The following TMEM260 variants were observed in gnomAD, a reference collection of about 807,000 sequenced individuals.
The protein encoded by TMEM260 is protein O-mannosyl-transferase TMEM260.
In TMEM260, 82 loss-of-function variants were observed where a neutral mutation model predicts 88.9. The observed-to-expected ratio is 0.92, with a 90% confidence interval of 0.77 to 1.11. TMEM260 has a LOEUF of 1.11. Among genes scored for constraint, TMEM260 ranks in the 50% least tolerant of loss-of-function variants. TMEM260 has a pLI of 0.00. For missense variants in TMEM260, 902 were observed against 853.4 expected, an observed-to-expected ratio of 1.06 and a Z score of -0.71; for synonymous variants, 314 against 309.3, an observed-to-expected ratio of 1.02 and a Z score of -0.16.
At position 56,636,497 on chromosome 14, in the gene TMEM260, C is replaced by A. The variant is rs758688085; in HGVS notation, c.1779-11C>A. ...TATGATTTTAATGAAGGTTCCTATC[C>A]CCACCCCCAGGATGAAAACACCGTT... On this transcript the variant is annotated splice_polypyrimidine_tract_variant and intron_variant, in intron 14 of 15. Transcript: ENST00000261556. The A allele has an allele frequency of 2.5e-6, 4 of 1,612,774 alleles. No individual in the cohort carries two copies. Among genetic ancestry groups the A allele is most frequent in the African/African-American group, 2.7e-5 (2 of 74,760 alleles).
chr14:56,647,384 T>C lies in TMEM260; in HGVS notation c.2011T>C (p.Phe671Leu), dbSNP rs1464680113. 1 of 1,614,166 alleles carries C rather than the reference T, an allele frequency of 6.2e-7. No individual in the cohort carries two copies. The highest frequency in any genetic ancestry group is 1.7e-5 in the Admixed American group (1 of 60,022). The change falls in exon 16 of 16, where the codon TTC becomes CTC. Residue 671 changes from phenylalanine to leucine, a missense_variant. By Grantham distance (22) the Phe-to-Leu change is conservative. Coordinates refer to ENST00000261556, the MANE Select transcript of TMEM260 (RefSeq NM_017799.4). ...EVLLSETIRH[F>L]RLYSQKAPND... ...GCTGTTATCGGAAACCATCAGACAT[T>C]TCCGTCTGTACTCTCAGAAAGCACC...
downstream of TMEM260, among the ~76,000 whole-genome samples, chr14:56,653,105 C>T (rs181826690): frequency 4.0e-4 from 60 of 151,842 alleles, no homozygotes; most frequent in Admixed American, 6.6e-4. Flanking sequence ...ACCAGCCTGG[C>T]CAACGTGGCG....
In TMEM260 at chr14:56,647,494, C is replaced by T; in HGVS notation, c.2121C>T (p.Val707=). The T allele has an allele frequency of 1.3e-6, 2 of 1,585,158 alleles. No individual in the cohort carries two copies. Among genetic ancestry groups the T allele is most frequent in the Non-Finnish European group, 1.7e-6 (2 of 1,169,228 alleles). ...AAAGTCTGAGAAATAGGAAAAATGT[C>T]TGAGACAGCAAAATATGAAAAACCT... ...ELQSLRNRKN[V] The change falls in exon 16 of 16, where the codon GTC becomes GTT. Residue 707 remains valine (V), a synonymous_variant. Transcript: ENST00000261556.
intron 3 of TMEM260, among the ~76,000 whole-genome samples, chr14:56,595,141 CAG>C (rs559851715): frequency 2.0e-5 from 3 of 152,148 alleles, no homozygotes; most frequent in Admixed American, 6.5e-5. Context: ...TCATAATAAA[CAG>C]ATGATAAAAG....
chr14:56,634,197 G>A (rs1359494120), intron 13 of TMEM260, among the ~76,000 whole-genome samples: 1 of 152,170 alleles, frequency 6.6e-6, no homozygotes, highest in Non-Finnish European at 1.5e-5. Context: ...TTCCAAGCCA[G>A]GAGTCCCCTC....
intron 4 of TMEM260, 118 bp downstream of exon 4, chr14:56,604,110 A>G (rs1886746711): frequency 1.0e-6 from 1 of 957,854 alleles, no homozygotes; most frequent in East Asian, 3.0e-5. Context: ...GGGATAATCT[A>G]GCATGCTGAG....
intron 15 of TMEM260, 90 bp downstream of exon 15, chr14:56,636,688 G>T: frequency 8.9e-7 from 1 of 1,118,206 alleles, no homozygotes; most frequent in South Asian, 1.4e-5. Context: ...TATCACATTA[G>T]AATTTTTATT....
At position 56,648,342 on chromosome 14, in the gene TMEM260, C is replaced by T. The variant is rs1211928183; in HGVS notation, c.*845C>T. 2 of 152,368 alleles carry T rather than the reference C, an allele frequency of 1.3e-5. No homozygotes were observed. The highest frequency in any genetic ancestry group is 2.9e-5 in the Non-Finnish European group (2 of 67,988). 9.4% of individuals were successfully genotyped at this position (152,368 alleles called of 1,614,324 possible). ...CTTTTATACATATTACTAAAGAGAA[C>T]ATAGTAAGAAATGCAAATAATAGTT... On this transcript the variant is annotated 3_prime_UTR_variant, in exon 16 of 16. Transcript: ENST00000261556.
chr14:56,592,880 A>G (rs1885953108), intron 3 of TMEM260, among the ~76,000 whole-genome samples: 1 of 152,224 alleles, frequency 6.6e-6, no homozygotes. Context: ...GGTTCTTTGC[A>G]TGCAAGTAGC....
At chr14:56,621,395 A>T in intron 10 of TMEM260, 136 bp from the exon 11 acceptor site, 1 of 602,744 alleles carries the variant, frequency 1.7e-6, no homozygotes, top group Non-Finnish European at 2.7e-6. Context: ...TCAAATATAC[A>T]TATTATTTTA....
At chr14:56,584,201 A>G (rs934919743) in intron 1 of TMEM260, among the ~76,000 whole-genome samples, 1 of 152,138 alleles carries the variant, frequency 6.6e-6, no homozygotes, top group African/African-American at 2.4e-5. Flanking sequence ...CTATGAAAGG[A>G]TAGGAAGTGG....
chr14:56,599,775 G>A (rs993249812), intron 3 of TMEM260, among the ~76,000 whole-genome samples: 1 of 152,122 alleles, frequency 6.6e-6, no homozygotes, highest in Non-Finnish European at 1.5e-5. Flanking sequence ...TTTGGAAACA[G>A]AATCAATTAA....
chr14:56,604,950 G>A lies in TMEM260; in HGVS notation c.523-620G>A, dbSNP rs373399583. Among the ~76,000 whole-genome samples the A allele has an allele frequency of 1.1e-4, 17 of 152,340 alleles. No individual in the cohort carries two copies. In the South Asian group the frequency reaches 3.5e-3, roughly 32 times the overall value. On this transcript the variant is annotated intron_variant, in intron 4 of 15. Transcript: ENST00000261556. ...AGACTTCACCTAGGGAATGGTAGTGGATGAAGAACTTGATCAGATATTGAG... is the reference window on the plus strand; with the variant it reads ...AGACTTCACCTAGGGAATGGTAGTGAATGAAGAACTTGATCAGATATTGAG...
chr14:56,625,912 T>C (rs1398576096), intron 12 of TMEM260, among the ~76,000 whole-genome samples: 2 of 152,190 alleles, frequency 1.3e-5, no homozygotes, highest in Admixed American at 6.5e-5. Context: ...ATAATCACTA[T>C]ATAAAAATAG....
chr14:56,656,348 G>T, the TMEM260 span, among the ~76,000 whole-genome samples: 18 of 152,146 alleles, frequency 1.2e-4, no homozygotes, highest in Non-Finnish European at 2.1e-4. Flanking sequence ...GAACCCGGGA[G>T]GTTGAGGCTG....
chr14:56,622,900 GATTA>G (rs1888022138), intron 11 of TMEM260, among the ~76,000 whole-genome samples: 1 of 152,124 alleles, frequency 6.6e-6, no homozygotes, highest in African/African-American at 2.4e-5. Flanking sequence ...GATGCCGATT[GATTA>G]ATTTGAACTT....
intron 3 of TMEM260, among the ~76,000 whole-genome samples, chr14:56,586,414 C>A (rs766227713): frequency 3.7e-4 from 56 of 152,002 alleles, no homozygotes; most frequent in Non-Finnish European, 6.8e-4. Context: ...CACTCTGCTC[C>A]GTTATGGCTG....
At chr14:56,613,074 T>A (rs778657197) in intron 7 of TMEM260, 1 of 152,184 alleles carries the variant, frequency 6.6e-6, no homozygotes, top group East Asian at 1.9e-4. Flanking sequence ...GTATATTATT[T>A]AATAGTGTTC....
intron 7 of TMEM260, 132 bp from the exon 8 acceptor site, chr14:56,615,812 C>A: frequency 1.6e-6 from 1 of 608,190 alleles, no homozygotes; most frequent in African/African-American, 1.8e-5. Context: ...CTTTAAAAGA[C>A]AAAATTTTAA....
Sources: gnomAD v4.1 joint callset for allele counts (sites outside exome capture counted in the v4.1 genomes callset) on GRCh38, gnomAD v4.1.1 for gene constraint, MANE v1.5 for transcripts, NCBI Gene and HGNC (gene_info 2026-07-23, HGNC 2026-07-21) for gene names.